Variants in RAPH1 observed in about 807,000 individuals in gnomAD.
RAPH1 encodes the protein Ras association (RalGDS/AF-6) and pleckstrin homology domains 1, also known as ras-associated and pleckstrin homology domains-containing protein 1.
RAPH1 carries 18 observed loss-of-function variants against 88.1 expected under a neutral mutation model. The observed-to-expected ratio is 0.20, with a 90% CI of 0.14 to 0.30. The LOEUF (loss-of-function observed/expected upper bound fraction) is 0.30. Ranked by LOEUF, RAPH1 falls within the 10% of genes least tolerant of loss-of-function variation. The pLI is 1.00. For missense variants in RAPH1, 1,448 were observed against 1,543.2 expected, an observed-to-expected ratio of 0.94 and a Z score of 1.03; for synonymous variants, 587 against 559.0, an observed-to-expected ratio of 1.05 and a Z score of -0.71.
chr2:203,450,524 T>C (rs550695779), intron 10 of RAPH1, among the ~76,000 whole-genome samples: 1 of 152,360 alleles, frequency 6.6e-6, no homozygotes, highest in South Asian at 2.1e-4. Context: ...TATTCTTCTA[T>C]AAAAGGAGGA....
At chr2:203,506,852 A>ATC (rs1471989787) in intron 1 of RAPH1, among the ~76,000 whole-genome samples, 4 of 38,984 alleles carry the variant, frequency 1.0e-4, no homozygotes, top group Non-Finnish European at 2.1e-4. Context: ...ATATCTATCT[A>ATC]TATCTATATA....
chr2:203,461,672 C>T (rs574995325), intron 5 of RAPH1, among the ~76,000 whole-genome samples, 176 bp downstream of exon 5: 1 of 152,258 alleles, frequency 6.6e-6, no homozygotes, highest in Admixed American at 6.5e-5. Flanking sequence ...GAAAATTACT[C>T]CTTTTATAAT....
At chr2:203,500,849 C>T (rs932564177) in intron 1 of RAPH1, among the ~76,000 whole-genome samples, 1 of 152,160 alleles carries the variant, frequency 6.6e-6, no homozygotes, top group African/African-American at 2.4e-5. Context: ...TTAACACACC[C>T]CAATTATTCC....
At chr2:203,516,988 C>T (rs936074975) in intron 1 of RAPH1, among the ~76,000 whole-genome samples, 4 of 149,910 alleles carry the variant, frequency 2.7e-5, no homozygotes, top group East Asian at 3.9e-4. Flanking sequence ...GAGCCGACAT[C>T]GCGTCACTGC....
chr2:203,448,118 C>T lies in RAPH1; in HGVS notation c.1513-39G>A. On this transcript the variant is annotated intron_variant, in intron 11 of 13. Transcript: ENST00000319170. The surrounding 1 kb of genome is among the most constrained non-coding windows in gnomAD (Gnocchi z 4.1). ...AGGAAATGGTGACATCTAAACTTTA[C>T]TGAGTATGATACAGAAGGATAAGGT... 6.2e-7 allele frequency: 1 copy of T among 1,604,876 alleles called. No homozygotes were observed. The highest frequency in any genetic ancestry group is 8.5e-7 in the Non-Finnish European group (1 of 1,173,192).
chr2:203,454,675 G>T, intron 9 of RAPH1, 135 bp from the exon 10 acceptor site: 1 of 611,630 alleles, frequency 1.6e-6, no homozygotes, highest in Non-Finnish European at 2.8e-6. Context: ...ATTTACACGA[G>T]ACAATGAGAT....
intron 1 of RAPH1, among the ~76,000 whole-genome samples, chr2:203,508,918 T>A (rs564247666): frequency 6.2e-4 from 95 of 152,304 alleles, no homozygotes; most frequent in African/African-American, 2.2e-3. Context: ...GTTTTTATTA[T>A]GTATGCATAT....
rs1269160890 is a variant in RAPH1, at chr2:203,456,150, T to C, written c.1159-570A>G. Among the ~76,000 whole-genome samples, 4 of 152,200 alleles carry C rather than the reference T, an allele frequency of 2.6e-5. No homozygotes were observed. In the East Asian group the frequency reaches 7.7e-4, roughly 29 times the overall value. On this transcript the variant is annotated intron_variant, in intron 8 of 13. Transcript: ENST00000319170. ...GCCAGTCATACATGTAATACTGAAT[T>C]TTTACCTACAAACTTTTAACTAAAA... is the stretch of plus-strand genomic sequence containing the variant.
At chr2:203,491,188 A>G (rs1688249121) in intron 3 of RAPH1, 26 bp downstream of exon 3, 1 of 1,478,862 alleles carries the variant, frequency 6.8e-7, no homozygotes. Flanking sequence ...ATACTATTTT[A>G]CATTTTATTT....
intron 7 of RAPH1, 106 bp downstream of exon 7, chr2:203,459,801 G>T: frequency 1.7e-6 from 2 of 1,157,620 alleles, no homozygotes; most frequent in Non-Finnish European, 2.5e-6. Flanking sequence ...CAGGTATATC[G>T]CTCCAACCAG....
At chr2:203,455,348 A>C in intron 9 of RAPH1, 89 bp downstream of exon 9, 1 of 1,216,382 alleles carries the variant, frequency 8.2e-7, no homozygotes, top group Non-Finnish European at 1.2e-6. Context: ...AACAAATCAT[A>C]GCCTGGGTTC....
At chr2:203,481,758 ATTT>A (rs757903816) in intron 4 of RAPH1, among the ~76,000 whole-genome samples, 1 of 137,366 alleles carries the variant, frequency 7.3e-6, no homozygotes, top group Non-Finnish European at 1.6e-5. Flanking sequence ...CGCCAGGATA[ATTT>A]TTTTTTTTTT....
chr2:203,515,295 T>C (rs936146027), intron 1 of RAPH1, among the ~76,000 whole-genome samples: 1 of 152,234 alleles, frequency 6.6e-6, no homozygotes, highest in Non-Finnish European at 1.5e-5. Context: ...TGCATAACCA[T>C]TGCAAGTTCT....
In RAPH1 at chr2:203,484,948, A is replaced by T. The variant is rs146009623; in HGVS notation, c.732+4636T>A. On this transcript the variant is annotated intron_variant, in intron 4 of 13. Coordinates refer to ENST00000319170, the MANE Select transcript of RAPH1 (RefSeq NM_213589.3). The stretch of plus-strand genomic sequence containing the variant: ...CTCACCACAGGCCCTTTTTGGGCCC[A>T]TAAATAGCTCATTGTAAGGGAAAGA... Among the ~76,000 whole-genome samples, 221 of 152,318 alleles carry T rather than the reference A, an allele frequency of 1.5e-3. 1 individual carries two copies. The highest frequency in any genetic ancestry group is 5.1e-3 in the African/African-American group (214 of 41,572).
intron 1 of RAPH1, among the ~76,000 whole-genome samples, chr2:203,521,198 T>C (rs1689850031): frequency 1.3e-5 from 2 of 152,068 alleles, no homozygotes; most frequent in South Asian, 2.1e-4. Context: ...GAATTACAGG[T>C]AGGTGCCACC....
intron 4 of RAPH1, among the ~76,000 whole-genome samples, chr2:203,481,748 C>A (rs997150722): frequency 6.7e-6 from 1 of 149,498 alleles, no homozygotes; most frequent in South Asian, 2.1e-4. Flanking sequence ...TCTGCCACCA[C>A]GCCAGGATAA....
At chr2:203,473,530 G>T (rs2098534915) in intron 4 of RAPH1, among the ~76,000 whole-genome samples, 1 of 152,086 alleles carries the variant, frequency 6.6e-6, no homozygotes, top group Admixed American at 6.6e-5. Context: ...TTGTGGTTTT[G>T]GTTCAGAAAC....
At chr2:203,454,568 A>G (rs1332579278) in intron 9 of RAPH1, 28 bp from the exon 10 acceptor site, 2 of 1,506,036 alleles carry the variant, frequency 1.3e-6, no homozygotes, top group Non-Finnish European at 1.8e-6. Context: ...AAAAGATAAA[A>G]TTAATAATAA....
rs202191752 is a variant in RAPH1, at chr2:203,495,234, C to T, written c.120G>A (p.Gln40=). 9 of 1,613,846 alleles carry T rather than the reference C, an allele frequency of 5.6e-6. No individual in the cohort carries two copies. The highest frequency in any genetic ancestry group is 1.6e-4 in the Middle Eastern group (1 of 6,080). ...AWLGELDKLT[Q]SLDSDKPMEP... is the part of the protein sequence containing the mutation. ...AACCAGTTTTTCAAGCACTACTCACCTGAGTGAGTTTGTCTAGTTCTCCAA... is the reference window on the plus strand; with the variant it reads ...AACCAGTTTTTCAAGCACTACTCACTTGAGTGAGTTTGTCTAGTTCTCCAA... The change falls in exon 2 of 14, where the codon CAG becomes CAA. Residue 40 remains glutamine, a splice_region_variant and synonymous_variant. Transcript: ENST00000319170.
Sources: gnomAD v4.1 joint callset for allele counts (sites outside exome capture counted in the v4.1 genomes callset) on GRCh38, gnomAD v4.1.1 for gene constraint, Gnocchi (gnomAD v3.1) non-coding constraint, MANE v1.5 for transcripts, NCBI Gene and HGNC (gene_info 2026-07-23, HGNC 2026-07-21) for gene names.